Variants in EPB41L2 observed in about 807,000 individuals in gnomAD.
EPB41L2 encodes the protein band 4.1-like protein 2.
A neutral mutation model predicts 113.0 loss-of-function variants in EPB41L2; 43 were observed. The observed-to-expected ratio is 0.38, with a 90% CI of 0.30 to 0.49. The LOEUF is 0.49. Among genes scored for constraint, EPB41L2 ranks in the 20% least tolerant of loss-of-function variants. The pLI, the probability that EPB41L2 is intolerant of heterozygous loss-of-function variation, is 0.95. For missense variants in EPB41L2, 1,147 were observed against 1,223.4 expected, an observed-to-expected ratio of 0.94 and a Z score of 0.93; for synonymous variants, 442 against 436.7, an observed-to-expected ratio of 1.01 and a Z score of -0.15.
chr6:130,912,886 T>G (rs1315769304), intron 4 of EPB41L2, among the ~76,000 whole-genome samples: 4 of 151,648 alleles, frequency 2.6e-5, no homozygotes, highest in East Asian at 3.9e-4. Flanking sequence ...TGGCGCCAAA[T>G]TGAAAAGAAA....
intron 19 of EPB41L2, among the ~76,000 whole-genome samples, chr6:130,854,847 C>T (rs1332438500): frequency 1.3e-5 from 2 of 152,144 alleles, no homozygotes; most frequent in Admixed American, 6.5e-5. Context: ...CTTCTGACTC[C>T]TAAGTAAGAA....
chr6:130,905,992 T>A (rs920203066), intron 5 of EPB41L2, among the ~76,000 whole-genome samples: 8 of 152,212 alleles, frequency 5.3e-5, no homozygotes, highest in African/African-American at 1.7e-4. Context: ...TCAGTTCTGC[T>A]TTACACATTT....
intron 1 of EPB41L2, chr6:131,015,967 A>G (rs555881877): frequency 4.6e-5 from 7 of 152,228 alleles, no homozygotes; most frequent in Admixed American, 1.3e-4. Flanking sequence ...TAAATGAAAA[A>G]GTCTGGACAT....
chr6:131,011,570 T>A (rs1409343933), intron 1 of EPB41L2, among the ~76,000 whole-genome samples: 1 of 152,242 alleles, frequency 6.6e-6, no homozygotes, highest in African/African-American at 2.4e-5. Context: ...TATGTCTTAA[T>A]CACAACTGCA....
intron 18 of EPB41L2, among the ~76,000 whole-genome samples, chr6:130,861,622 A>G (rs542123698): frequency 3.9e-5 from 6 of 152,268 alleles, no homozygotes; most frequent in Non-Finnish European, 8.8e-5. Flanking sequence ...CTGTAATCCC[A>G]GCACTTTGGG....
At chr6:130,939,400 T>C (rs1176887540) in intron 3 of EPB41L2, among the ~76,000 whole-genome samples, 1 of 151,948 alleles carries the variant, frequency 6.6e-6, no homozygotes, top group East Asian at 1.9e-4. Context: ...ATTACAGGCG[T>C]GTGCCACCAA....
chr6:130,875,763 C>T (rs999405632), intron 14 of EPB41L2, among the ~76,000 whole-genome samples: 3 of 152,038 alleles, frequency 2.0e-5, no homozygotes, highest in Non-Finnish European at 4.4e-5. Flanking sequence ...CTTTGGGAGA[C>T]CAAGAAGGGC....
chr6:130,870,422 G>C lies in EPB41L2; in HGVS notation c.2044-296C>G, dbSNP rs190361945. 3.5e-5 allele frequency: 54 copies of C among 1,547,048 alleles called. No individual in the cohort carries two copies. The East Asian group carries it at 1.3e-3, about 38-fold the overall frequency. ...CAACCGAGGACACAAAATCAATACA[G>C]TTTTACCTCAACAACCACTGAAACA... On this transcript the variant is annotated intron_variant, in intron 14 of 19. Transcript: ENST00000337057.
chr6:130,885,218 C>T lies in EPB41L2; in HGVS notation c.1711G>A (p.Ala571Thr). 6.2e-7 allele frequency: 1 copy of T among 1,614,122 alleles called. No homozygotes were observed. Among genetic ancestry groups the T allele is most frequent in the Non-Finnish European group, 8.5e-7 (1 of 1,179,994 alleles). Residue 571 changes from alanine to threonine, a missense_variant, in exon 12 of 20, where the codon GCT (alanine) becomes ACT (threonine). By Grantham distance (58) the Ala-to-Thr change is moderately conservative. Transcript: ENST00000337057. ...GGTCCATAGGCTGAAATCTCCCCAG[C>T]AGCGCCAGGAAAATCCTTCATAAGA... ...QSLMKDFPGAAGEISAYGPGL... is the reference protein window; with the variant it reads ...QSLMKDFPGATGEISAYGPGL...
intron 16 of EPB41L2, among the ~76,000 whole-genome samples, chr6:130,866,040 T>C (rs2128440602): frequency 6.6e-6 from 1 of 152,314 alleles, no homozygotes; most frequent in South Asian, 2.1e-4. Context: ...TAGATAAACA[T>C]TTTATCAAAT....
intron 1 of EPB41L2, among the ~76,000 whole-genome samples, chr6:130,997,796 A>G (rs1436674636): frequency 1.3e-5 from 2 of 152,196 alleles, no homozygotes; most frequent in Non-Finnish European, 2.9e-5. Flanking sequence ...AGAGCTAAAC[A>G]TGGAGAATGA....
Position 130,956,010 on chromosome 6 carries a change from C to T in EPB41L2, c.476G>A (p.Ser159Asn), listed in dbSNP as rs756448638. The T allele has an allele frequency of 1.2e-6, 2 of 1,611,666 alleles. No homozygotes were observed. The highest frequency in any genetic ancestry group is 1.7e-6 in the Non-Finnish European group (2 of 1,179,278). ...CAAACATACCTGCATCTCCACTTTG[C>T]TCACTGAGGGTTTTTCTTCCTTGCT... Reference protein sequence around the residue: ...SVSKEEKPSVSKVEMQPTELV... With the variant: ...SVSKEEKPSVNKVEMQPTELV... Residue 159 changes from serine to asparagine, a missense_variant, in exon 2 of 20, where the codon AGC becomes AAC. Coordinates refer to ENST00000337057, the MANE Select transcript of EPB41L2 (RefSeq NM_001431.4).
chr6:130,894,321 C>A (rs746782311), intron 10 of EPB41L2, 23 bp downstream of exon 10: 1 of 1,597,048 alleles, frequency 6.3e-7, no homozygotes, highest in Admixed American at 1.7e-5. Context: ...TGCCCGGCTT[C>A]CGAGCTGTTT....
chr6:130,944,162 T>TAC (rs537919934), intron 3 of EPB41L2, among the ~76,000 whole-genome samples: 6,315 of 132,838 alleles, frequency 0.048, 179 homozygotes, highest in African/African-American at 0.075. Flanking sequence ...TATACGTACA[T>TAC]ACACACACAT....
intron 13 of EPB41L2, 98 bp downstream of exon 13, chr6:130,880,046 G>T (rs1188662543): frequency 2.4e-6 from 2 of 840,528 alleles, no homozygotes; most frequent in South Asian, 1.6e-5. Context: ...TGCATGCACC[G>T]TGCTTGAAGA....
In EPB41L2 at chr6:130,939,504, C is replaced by T. The variant is rs150484421; in HGVS notation, c.706-12795G>A. Among the ~76,000 whole-genome samples the T allele has an allele frequency of 3.2e-3, 483 of 152,212 alleles. 7 individuals are homozygous for T. Among genetic ancestry groups the T allele is most frequent in the Admixed American group, 0.028 (427 of 15,286 alleles). On this transcript the variant is annotated intron_variant, in intron 3 of 19. Coordinates refer to ENST00000337057, the MANE Select transcript of EPB41L2 (RefSeq NM_001431.4). ...TCCTGACCTCGTGATCCGCCCACCT[C>T]GGCCTCCCAAAGTGCTAGGATTACA...
rs1778817239 is a variant in EPB41L2 at position 130,979,196 on chromosome 6, A to T, written c.-14-22697T>A. Reference sequence around the variant, plus strand: ...GAGACCAACTGACACAATGAAAGGAAACTGACTGGCCGGGTGTGGTGTTTC... The same window carrying T: ...GAGACCAACTGACACAATGAAAGGATACTGACTGGCCGGGTGTGGTGTTTC... On this transcript the variant is annotated intron_variant, in intron 1 of 19. Transcript: ENST00000337057. Among the ~76,000 whole-genome samples the T allele has an allele frequency of 2.0e-5, 3 of 152,138 alleles. No individual in the cohort carries two copies. The South Asian group carries it at 6.2e-4, about 32-fold the overall frequency.
At chr6:130,846,255 A>G (rs985343772) in intron 19 of EPB41L2, among the ~76,000 whole-genome samples, 2 of 152,230 alleles carry the variant, frequency 1.3e-5, no homozygotes, top group African/African-American at 4.8e-5. Flanking sequence ...TACAACATAT[A>G]TAGTCTTTCT....
At chr6:131,005,531 C>T (rs953519423) in intron 1 of EPB41L2, among the ~76,000 whole-genome samples, 1 of 152,140 alleles carries the variant, frequency 6.6e-6, no homozygotes, top group Admixed American at 6.6e-5. Context: ...TGGGGGGAGC[C>T]AGAATCTAAA....
Sources: gnomAD v4.1 joint callset for allele counts (sites outside exome capture counted in the v4.1 genomes callset) on GRCh38, gnomAD v4.1.1 for gene constraint, MANE v1.5 for transcripts, NCBI Gene and HGNC (gene_info 2026-07-23, HGNC 2026-07-21) for gene names.